GRM7: variants seen among roughly 807,000 people sequenced by gnomAD.
GRM7 encodes the protein metabotropic glutamate receptor 7.
GRM7 carries 35 observed loss-of-function variants against 84.5 expected under a neutral mutation model. The ratio of observed to expected loss-of-function variants is 0.41; its 90% CI spans 0.32 to 0.55. GRM7 has a LOEUF of 0.55. Among genes scored for constraint, GRM7 ranks in the 20% least tolerant of loss-of-function variants. GRM7 has a pLI of 0.19. For synonymous variants in GRM7, 487 were observed against 455.1 expected, an observed-to-expected ratio of 1.07 and a Z score of -0.89; for missense variants, 1,003 against 1,194.6, an observed-to-expected ratio of 0.84 and a Z score of 2.36.
intron 7 of GRM7, among the ~76,000 whole-genome samples, chr3:7,476,226 A>C (rs960860071): frequency 6.6e-6 from 1 of 152,184 alleles, no homozygotes; most frequent in African/African-American, 2.4e-5. Flanking sequence ...CCTAACCCAC[A>C]GGATTATTGT....
intron 1 of GRM7, among the ~76,000 whole-genome samples, chr3:7,099,281 GTATTATACATGTATATATGTA>G (rs1698973252): frequency 6.9e-6 from 1 of 145,172 alleles, no homozygotes; most frequent in East Asian, 2.0e-4. Flanking sequence ...ATGAATACAT[GTATTATACATGTATATATGTA>G]CACATGTATT....
chr3:7,449,529 T>C (rs1217536701), intron 5 of GRM7, among the ~76,000 whole-genome samples: 1 of 152,146 alleles, frequency 6.6e-6, no homozygotes, highest in African/African-American at 2.4e-5. Flanking sequence ...AATCAACAAA[T>C]CTGGCACAGA....
At chr3:6,935,781 C>T (rs796808061) in intron 1 of GRM7, among the ~76,000 whole-genome samples, 20 of 151,670 alleles carry the variant, frequency 1.3e-4, no homozygotes, top group African/African-American at 4.1e-4. Flanking sequence ...CTGCAACCTC[C>T]GCCTCCTGGG....
chr3:7,305,183 C>A (rs1312859146), intron 3 of GRM7, among the ~76,000 whole-genome samples: 1 of 152,090 alleles, frequency 6.6e-6, no homozygotes, highest in Non-Finnish European at 1.5e-5. Flanking sequence ...ATTATACTGA[C>A]TTTTAGTCAT....
intron 2 of GRM7, among the ~76,000 whole-genome samples, chr3:7,276,530 G>A (rs1290150393): frequency 6.6e-6 from 1 of 151,754 alleles, no homozygotes; most frequent in Non-Finnish European, 1.5e-5. Flanking sequence ...TAGTACTATA[G>A]CATGCTTCAT....
At chr3:6,949,227 A>G (rs1283105434) in intron 1 of GRM7, among the ~76,000 whole-genome samples, 1 of 152,208 alleles carries the variant, frequency 6.6e-6, no homozygotes, top group African/African-American at 2.4e-5. Flanking sequence ...TGCTTCCTTC[A>G]GGAGCTCTTT....
intron 4 of GRM7, among the ~76,000 whole-genome samples, chr3:7,378,999 A>G (rs538107841): frequency 4.5e-4 from 69 of 152,334 alleles, no homozygotes; most frequent in African/African-American, 1.6e-3. Flanking sequence ...GAGTGGCTAG[A>G]AAATACCTTT....
At chr3:7,271,284 G>C (rs929757540) in intron 2 of GRM7, among the ~76,000 whole-genome samples, 1 of 152,006 alleles carries the variant, frequency 6.6e-6, no homozygotes, top group Admixed American at 6.6e-5. Flanking sequence ...TCTCGGCCGG[G>C]CGCAGTGGCT....
chr3:7,338,546 C>T (rs1701514602), intron 4 of GRM7, among the ~76,000 whole-genome samples: 1 of 151,998 alleles, frequency 6.6e-6, no homozygotes, highest in East Asian at 1.9e-4. Flanking sequence ...AAGACATGTT[C>T]CTCTTACATG....
At chr3:7,487,773 C>CCT (rs1175239596) in intron 7 of GRM7, among the ~76,000 whole-genome samples, 1 of 152,190 alleles carries the variant, frequency 6.6e-6, no homozygotes, top group Non-Finnish European at 1.5e-5. Flanking sequence ...CAGAGCCACC[C>CCT]CAGAGAGCCT....
chr3:7,410,818 G>A (rs567129251), intron 4 of GRM7, among the ~76,000 whole-genome samples: 2 of 152,176 alleles, frequency 1.3e-5, no homozygotes, highest in Admixed American at 1.3e-4. Flanking sequence ...ACCACAACAG[G>A]ATTTTTTATT....
At chr3:7,685,913 A>C (rs1288245860) in intron 9 of GRM7, among the ~76,000 whole-genome samples, 1 of 152,060 alleles carries the variant, frequency 6.6e-6, no homozygotes, top group Non-Finnish European at 1.5e-5. Flanking sequence ...TTAATTTGTT[A>C]TGGTTCTTGT....
intron 1 of GRM7, among the ~76,000 whole-genome samples, chr3:6,903,616 A>G (rs1161035482): frequency 6.6e-6 from 1 of 152,082 alleles, no homozygotes; most frequent in Non-Finnish European, 1.5e-5. Flanking sequence ...CTCTTTTTAC[A>G]TGTCCCCTCT....
At chr3:7,640,326 C>T (rs9879669) in intron 8 of GRM7, among the ~76,000 whole-genome samples, 132,453 of 152,226 alleles carry the variant, frequency 0.87, 57,761 homozygotes, top group African/African-American at 0.93. Context: ...AAGCATGATG[C>T]GAAGAGAAAG....
At chr3:6,984,456 C>A (rs1694324813) in intron 1 of GRM7, among the ~76,000 whole-genome samples, 1 of 151,994 alleles carries the variant, frequency 6.6e-6, no homozygotes, top group African/African-American at 2.4e-5. Context: ...AGACTTTATT[C>A]CATCAATGGT....
intron 4 of GRM7, among the ~76,000 whole-genome samples, chr3:7,334,261 G>A (rs1262517673): frequency 6.6e-6 from 1 of 152,070 alleles, no homozygotes; most frequent in African/African-American, 2.4e-5. Context: ...TTTCTCGGCA[G>A]AAACCCTCCA....
At chr3:7,715,339 G>A (rs1330990842) in intron 9 of GRM7, among the ~76,000 whole-genome samples, 1 of 152,080 alleles carries the variant, frequency 6.6e-6, no homozygotes, top group Non-Finnish European at 1.5e-5. Flanking sequence ...CAGACATGGT[G>A]ACATGTGCCT....
intron 8 of GRM7, among the ~76,000 whole-genome samples, chr3:7,626,590 A>G (rs1327087473): frequency 2.0e-5 from 3 of 152,194 alleles, no homozygotes; most frequent in South Asian, 2.1e-4. Context: ...GCAGACAGCA[A>G]TGCTTGGTGT....
At chr3:7,657,137 G>T (rs940086986) in intron 8 of GRM7, among the ~76,000 whole-genome samples, 1 of 152,170 alleles carries the variant, frequency 6.6e-6, no homozygotes, top group African/African-American at 2.4e-5. Context: ...CAGAAATGAT[G>T]ACCTGAGTAT....
Sources: allele counts gnomAD v4.1 joint callset (sites outside exome capture counted in the v4.1 genomes callset), GRCh38; gene constraint gnomAD v4.1.1; transcripts MANE v1.5; gene names NCBI Gene and HGNC (gene_info 2026-07-23, HGNC 2026-07-21).